Variants in MIOS observed in about 807,000 individuals in gnomAD.
MIOS encodes meiosis regulator for oocyte development, also known as GATOR2 complex protein MIOS.
MIOS carries 52 observed loss-of-function variants against 96.9 expected under a neutral mutation model. The observed-to-expected ratio is 0.54, with a 90% CI of 0.43 to 0.68. The LOEUF (loss-of-function observed/expected upper bound fraction) is 0.68. MIOS is among the 30% of genes least tolerant of loss of function. The pLI, the probability that MIOS is intolerant of heterozygous loss-of-function variation, is 0.00. For missense variants in MIOS, 1,005 were observed against 1,052.8 expected, an observed-to-expected ratio of 0.95 and a Z score of 0.63; for synonymous variants, 397 against 359.5, an observed-to-expected ratio of 1.10 and a Z score of -1.18.
intron 7 of MIOS, among the ~76,000 whole-genome samples, chr7:7,586,895 G>T (rs1452317029): frequency 1.3e-5 from 2 of 151,708 alleles, no homozygotes; most frequent in Admixed American, 6.6e-5. Flanking sequence ...CAAGTGGATT[G>T]TTAACTTCTG....
chr7:7,592,427 C>G (rs1230031947), intron 9 of MIOS, among the ~76,000 whole-genome samples: 1 of 152,160 alleles, frequency 6.6e-6, no homozygotes, highest in Non-Finnish European at 1.5e-5. Context: ...AGTCCCCAAC[C>G]TTTTTGCCCC....
In MIOS at chr7:7,594,994, T is replaced by A; in HGVS notation, c.2058T>A (p.Asp686Glu). 6.2e-7 allele frequency: 1 copy of A among 1,605,806 alleles called. No individual in the cohort carries two copies. The highest frequency in any genetic ancestry group is 8.5e-7 in the Non-Finnish European group (1 of 1,177,174). The change falls in exon 10 of 13, where the codon GAT (aspartate) becomes GAA (glutamate). Residue 686 changes from aspartate (D) to glutamate (E), a missense_variant. By Grantham distance (45) the Asp-to-Glu change is conservative (BLOSUM62 2). Coordinates refer to ENST00000340080, the MANE Select transcript of MIOS (RefSeq NM_019005.4). ...TTTCGTTTTAGGGTTCACCTTTAGA[T>A]GTTCTTAAAGATGAAAGGGTTCAGT... The part of the protein sequence containing the change: ...SYCMLQGSPL[D>E]VLKDERVQYW...
At chr7:7,579,184 A>G (rs1383854232) in intron 5 of MIOS, among the ~76,000 whole-genome samples, 2 of 152,222 alleles carry the variant, frequency 1.3e-5, no homozygotes, top group Non-Finnish European at 2.9e-5. Flanking sequence ...ATATATTAAA[A>G]ATTTATATGT....
rs978305303 is a variant in MIOS, at chr7:7,608,507, T to C, written c.*1415T>C. The C allele has an allele frequency of 2.6e-5, 4 of 152,088 alleles. No homozygotes were observed. The highest frequency in any genetic ancestry group is 9.6e-5 in the African/African-American group (4 of 41,464). 9.4% of individuals were successfully genotyped at this position (152,088 alleles called of 1,614,324 possible). A position where few individuals can be genotyped will look rare whatever the true frequency, so the allele number is the denominator to read the frequency against. On this transcript the variant is annotated 3_prime_UTR_variant, in exon 13 of 13. Coordinates refer to ENST00000340080, the MANE Select transcript of MIOS (RefSeq NM_019005.4). The stretch of plus-strand genomic sequence containing the variant: ...AACATTGGAAGTAGTACATATTTAC[T>C]CTAAATGTCTCACCTGCATGACAGT...
intron 11 of MIOS, among the ~76,000 whole-genome samples, chr7:7,599,051 A>C (rs981710997): frequency 3.3e-5 from 5 of 152,136 alleles, no homozygotes; most frequent in Admixed American, 6.5e-5. Context: ...GTGTGCAATA[A>C]GCATAGTTAA....
chr7:7,568,535 G>A (rs1306470648), intron 3 of MIOS, among the ~76,000 whole-genome samples: 2 of 152,134 alleles, frequency 1.3e-5, no homozygotes, highest in African/African-American at 4.8e-5. Flanking sequence ...CTCTATACAG[G>A]GCTACTCTTA....
chr7:7,587,006 T>G (rs4376421), intron 7 of MIOS, among the ~76,000 whole-genome samples: 104,489 of 115,178 alleles, frequency 0.91, 47,554 homozygotes, highest in South Asian at 0.96. Context: ...TTTTTTTTTT[T>G]TTGTTGTTGT....
Position 7,567,648 on chromosome 7 carries a change from A to G in MIOS, c.-179A>G, listed in dbSNP as rs1783190921. 6.6e-6 allele frequency: 1 copy of G among 152,218 alleles called. No homozygotes were observed. The highest frequency in any genetic ancestry group is 1.5e-5 in the Non-Finnish European group (1 of 68,046). The allele number at this position is 152,218 out of a possible 1,614,324, so 9.4% of individuals were successfully genotyped here. Reference sequence around the variant, plus strand: ...GCAGTGCATCTCCTCGAAGATGCTGATGGTGGAAATTTCTTGAAACCGCTC... The same window carrying G: ...GCAGTGCATCTCCTCGAAGATGCTGGTGGTGGAAATTTCTTGAAACCGCTC... On this transcript the variant is annotated 5_prime_UTR_variant, in exon 2 of 13. The change abolishes an upstream ATG in the 5' untranslated region. Transcript: ENST00000340080.
intron 6 of MIOS, among the ~76,000 whole-genome samples, 198 bp downstream of exon 6, chr7:7,583,570 C>G (rs996449279): frequency 6.6e-6 from 1 of 151,664 alleles, no homozygotes; most frequent in Non-Finnish European, 1.5e-5. Flanking sequence ...TGGTTTAGGG[C>G]TGTAAAAACA....
At chr7:7,579,915 C>T (rs887068860) in intron 5 of MIOS, among the ~76,000 whole-genome samples, 9 of 152,192 alleles carry the variant, frequency 5.9e-5, no homozygotes, top group Non-Finnish European at 1.3e-4. Flanking sequence ...TTAATCAACT[C>T]ATGACTGGAT....
intron 11 of MIOS, chr7:7,605,487 G>A (rs1784502880): frequency 6.6e-6 from 1 of 152,648 alleles, no homozygotes; most frequent in South Asian, 2.1e-4. Context: ...CAGAGACGGA[G>A]TTTCACCATG....
intron 5 of MIOS, among the ~76,000 whole-genome samples, chr7:7,578,488 T>A (rs1484348772): frequency 6.6e-6 from 1 of 152,124 alleles, no homozygotes; most frequent in Admixed American, 6.5e-5. Flanking sequence ...AGAGACCCTG[T>A]CTCTCTTTTT....
chr7:7,587,341 A>G (rs946292794), intron 7 of MIOS, among the ~76,000 whole-genome samples: 1 of 152,138 alleles, frequency 6.6e-6, no homozygotes. Context: ...GTTTTGCTAT[A>G]CATAAATTTG....
intron 9 of MIOS, among the ~76,000 whole-genome samples, chr7:7,594,241 T>C (rs12334153): frequency 0.012 from 1,765 of 152,148 alleles, 25 homozygotes; most frequent in African/African-American, 0.04. Context: ...TCACCGTGCA[T>C]TGCTAGATAG....
At chr7:7,601,723 GAGGCCA>G (rs1167258158) in intron 11 of MIOS, among the ~76,000 whole-genome samples, 3 of 152,178 alleles carry the variant, frequency 2.0e-5, no homozygotes, top group Admixed American at 6.5e-5. Flanking sequence ...CTCATTTTAT[GAGGCCA>G]GCATCATCCT....
At chr7:7,605,726 G>C (rs1784510551) in intron 11 of MIOS, 1 of 441,876 alleles carries the variant, frequency 2.3e-6, no homozygotes, top group Non-Finnish European at 4.0e-6. Flanking sequence ...AGTGGGTTTG[G>C]ATTTTTTTTT....
chr7:7,585,758 A>G lies in MIOS; in HGVS notation c.1771A>G (p.Met591Val). 6.2e-7 allele frequency: 1 copy of G among 1,612,028 alleles called. No homozygotes were observed. The highest frequency in any genetic ancestry group is 8.5e-7 in the Non-Finnish European group (1 of 1,179,098). ...LQLNNPYLCV[M>V]FAFLTSETGS... ...GCTAAATAACCCGTATTTGTGTGTC[A>G]TGTTTGCATTTCTGACAAGTGAAAC... Residue 591 changes from methionine to valine, a missense_variant, in exon 7 of 13, where the codon ATG (methionine) becomes GTG (valine). Around this residue, in one of 3 missense-constraint regions of MIOS, gnomAD observed 865 missense variants for 887.9 expected, o/e 0.97. Transcript: ENST00000340080.
chr7:7,602,749 C>A (rs1029435387), intron 11 of MIOS, among the ~76,000 whole-genome samples: 22 of 152,054 alleles, frequency 1.4e-4, no homozygotes, highest in Non-Finnish European at 1.0e-4. Flanking sequence ...CAAAAAAGAG[C>A]CCGCATTGCC....
chr7:7,574,812 A>C (rs1403742564), intron 5 of MIOS, among the ~76,000 whole-genome samples: 5 of 152,002 alleles, frequency 3.3e-5, no homozygotes, highest in Admixed American at 3.3e-4. Context: ...TGCTTTAAAC[A>C]GTTGTTCCTA....
Sources: gnomAD v4.1 joint callset for allele counts (sites outside exome capture counted in the v4.1 genomes callset) on GRCh38, gnomAD v4.1.1 for gene constraint, gnomAD v4.1.1 regional missense constraint, MANE v1.5 for transcripts, NCBI Gene and HGNC (gene_info 2026-07-23, HGNC 2026-07-21) for gene names.